The following MAGI3 variants were observed in gnomAD, a reference collection of about 807,000 sequenced individuals.
MAGI3 encodes membrane associated guanylate kinase, WW and PDZ domain containing 3.
Under a neutral mutation model 121.8 loss-of-function variants are expected in MAGI3, and 43 were observed. The observed-to-expected ratio is 0.35, with a 90% CI of 0.28 to 0.46. MAGI3 has a LOEUF of 0.46. Ranked by LOEUF, MAGI3 falls within the 20% of genes least tolerant of loss-of-function variation. MAGI3 has a pLI of 1.00. For missense variants in MAGI3, 1,547 were observed against 1,797.3 expected (o/e 0.86, Z 2.52); for synonymous variants, 553 against 639.3 (o/e 0.86, Z 2.04).
intron 17 of MAGI3, 48 bp downstream of exon 17, chr1:113,671,884 C>T (rs865796853): frequency 1.3e-6 from 2 of 1,505,698 alleles, no homozygotes; most frequent in Middle Eastern, 3.4e-4. Context: ...TTATTCTCTC[C>T]TTATTGCTCT....
chr1:113,508,329 C>CA (rs1307996997), intron 1 of MAGI3, among the ~76,000 whole-genome samples: 19 of 152,212 alleles, frequency 1.2e-4, no homozygotes, highest in Admixed American at 1.1e-3. Flanking sequence ...TAAGGGTAGG[C>CA]ACCTCTCTTT....
chr1:113,562,755 T>A (rs1357655006), intron 2 of MAGI3, among the ~76,000 whole-genome samples: 1 of 152,128 alleles, frequency 6.6e-6, no homozygotes, highest in Non-Finnish European at 1.5e-5. Flanking sequence ...AATATGTAGG[T>A]GATAGGATGA....
At chr1:113,403,215 C>G (rs1227428377) in intron 1 of MAGI3, among the ~76,000 whole-genome samples, 3 of 151,952 alleles carry the variant, frequency 2.0e-5, no homozygotes, top group Non-Finnish European at 4.4e-5. Flanking sequence ...AGGAAAGTGG[C>G]AATCAGGAGG....
intron 2 of MAGI3, among the ~76,000 whole-genome samples, chr1:113,570,556 A>T (rs1329191834): frequency 6.6e-6 from 1 of 151,950 alleles, no homozygotes; most frequent in Non-Finnish European, 1.5e-5. Flanking sequence ...AGCATCTGTC[A>T]TTTCCTGACT....
intron 1 of MAGI3, among the ~76,000 whole-genome samples, chr1:113,511,562 G>T (rs568321594): frequency 1.3e-5 from 2 of 152,304 alleles, no homozygotes; most frequent in Admixed American, 1.3e-4. Flanking sequence ...AAAGTTCCTA[G>T]CACTTCTGTG....
intron 19 of MAGI3, among the ~76,000 whole-genome samples, chr1:113,676,982 T>C (rs996841314): frequency 5.9e-5 from 9 of 152,318 alleles, no homozygotes; most frequent in African/African-American, 1.9e-4. Context: ...TTCCCAGGAC[T>C]TATTACTGGG....
At chr1:113,495,372 T>TTA (rs2101588730) in intron 1 of MAGI3, among the ~76,000 whole-genome samples, 2 of 151,396 alleles carry the variant, frequency 1.3e-5, no homozygotes, top group African/African-American at 4.8e-5. Context: ...TTTTTTTTTT[T>TTA]AATTTCAGTA....
chr1:113,609,732 G>C (rs1388142673), intron 6 of MAGI3, among the ~76,000 whole-genome samples: 1 of 152,136 alleles, frequency 6.6e-6, no homozygotes, highest in African/African-American at 2.4e-5. Context: ...ATTTGGGGAA[G>C]AGGAAAGAAA....
intron 6 of MAGI3, among the ~76,000 whole-genome samples, chr1:113,612,151 C>G (rs1444714671): frequency 6.6e-6 from 1 of 152,012 alleles, no homozygotes; most frequent in Admixed American, 6.6e-5. Flanking sequence ...ACAATGTTGG[C>G]CAGGATGGTC....
At position 113,391,105 on chromosome 1, in the gene MAGI3, GCCCC is replaced by G; in HGVS notation, c.74_77del (p.Pro25ArgfsTer49). 1 of 1,582,636 alleles carries G rather than the reference GCCCC, an allele frequency of 6.3e-7. No homozygotes were observed. Among genetic ancestry groups the G allele is most frequent in the Non-Finnish European group, 8.6e-7 (1 of 1,165,100 alleles). ...AGGAGTGCGCCGTGTCCTGGGCCGG[GCCCC>G]CGGGCGACTTCGGCGCGGAGATCCG... On this transcript the variant is annotated frameshift_variant, in exon 1 of 21. Transcript: ENST00000307546. LOFTEE classifies it high-confidence loss of function. The surrounding 1 kb of genome is among the most constrained non-coding windows in gnomAD (Gnocchi z 4.4).
At chr1:113,447,885 T>C (rs1654263257) in intron 1 of MAGI3, among the ~76,000 whole-genome samples, 1 of 151,980 alleles carries the variant, frequency 6.6e-6, no homozygotes, top group East Asian at 1.9e-4. Flanking sequence ...CTATCATCAA[T>C]ATATAATTCC....
At chr1:113,662,129 T>A (rs1237522411) in intron 16 of MAGI3, among the ~76,000 whole-genome samples, 1 of 152,194 alleles carries the variant, frequency 6.6e-6, no homozygotes, top group Non-Finnish European at 1.5e-5. Context: ...TCTCCCCTTC[T>A]CTCCATCAGC....
chr1:113,673,181 A>C, intron 18 of MAGI3, 141 bp from the exon 19 acceptor site: 3 of 1,035,498 alleles, frequency 2.9e-6, no homozygotes, highest in Non-Finnish European at 4.1e-6. Flanking sequence ...CCTTTAACCA[A>C]AACCTACATT....
intron 1 of MAGI3, among the ~76,000 whole-genome samples, chr1:113,405,642 A>G (rs548514644): frequency 9.9e-5 from 15 of 152,168 alleles, no homozygotes; most frequent in Non-Finnish European, 2.1e-4. Context: ...TCTCTTTACT[A>G]TTGTAGCTCC....
intron 14 of MAGI3, among the ~76,000 whole-genome samples, chr1:113,653,576 A>G (rs1019007997): frequency 6.9e-5 from 10 of 145,198 alleles, no homozygotes; most frequent in South Asian, 2.2e-4. Flanking sequence ...CATCTCGGGG[A>G]AAAAAAAAAA....
chr1:113,469,102 G>T (rs1450499152), intron 1 of MAGI3, among the ~76,000 whole-genome samples: 2 of 152,074 alleles, frequency 1.3e-5, no homozygotes, highest in African/African-American at 4.8e-5. Context: ...AAGAGTAATA[G>T]CACTTGTTTT....
At chr1:113,643,218 C>G in intron 10 of MAGI3, among the ~76,000 whole-genome samples, 1 of 152,194 alleles carries the variant, frequency 6.6e-6, no homozygotes, top group East Asian at 1.9e-4. Flanking sequence ...TGACTAGTAT[C>G]TTAAAGAATA....
intron 1 of MAGI3, among the ~76,000 whole-genome samples, chr1:113,443,586 A>G (rs1654021585): frequency 6.6e-6 from 1 of 152,168 alleles, no homozygotes; most frequent in African/African-American, 2.4e-5. Context: ...CTTAGAATGT[A>G]CCAATGATTC....
intron 6 of MAGI3, among the ~76,000 whole-genome samples, chr1:113,609,654 T>TA (rs1650001084): frequency 6.6e-6 from 1 of 152,188 alleles, no homozygotes; most frequent in East Asian, 1.9e-4. Flanking sequence ...TTAAAAAAAT[T>TA]ATCAACTGAA....
Sources: gnomAD v4.1 joint callset for allele counts (sites outside exome capture counted in the v4.1 genomes callset) on GRCh38, gnomAD v4.1.1 for gene constraint, Gnocchi (gnomAD v3.1) non-coding constraint, MANE v1.5 for transcripts, NCBI Gene and HGNC (gene_info 2026-07-23, HGNC 2026-07-21) for gene names.